Variants in ABHD14B observed in about 807,000 individuals in gnomAD.
The protein encoded by ABHD14B is putative protein-lysine deacylase ABHD14B.
Under a neutral mutation model 15.4 loss-of-function variants are expected in ABHD14B, and 19 were observed. The observed-to-expected ratio is 1.23, with a 90% confidence interval of 0.86 to 1.81. The LOEUF is 1.81. Among genes scored for constraint, ABHD14B ranks in the 40% most tolerant of loss-of-function variants. The probability of loss-of-function intolerance (pLI) is 0.00; values close to 1 mark genes in which losing one functional copy is unlikely to be tolerated. For synonymous variants in ABHD14B, 92 were observed against 117.3 expected (o/e 0.78, Z 1.39); for missense variants, 243 against 267.0 (o/e 0.91, Z 0.63).
chr3:51,973,659 G>A (rs1380693404), intron 1 of ABHD14B: 2 of 381,228 alleles, frequency 5.2e-6, no homozygotes, highest in Admixed American at 7.0e-5. Context: ...GGAACCACAG[G>A]CGCGCTTCCA....
At position 51,971,625 on chromosome 3, in the gene ABHD14B, C is replaced by T; in HGVS notation, c.46G>A (p.Gly16Ser). 1 of 1,613,116 alleles carries T rather than the reference C, an allele frequency of 6.2e-7. No homozygotes were observed. Among genetic ancestry groups the T allele is most frequent in the Non-Finnish European group, 8.5e-7 (1 of 1,179,822 alleles). Residue 16 changes from glycine to serine, a missense_variant, in exon 2 of 4, where the codon GGC becomes AGC. Physicochemically the swap from Gly to Ser is moderately conservative, Grantham distance 56. Transcript: ENST00000361143. Reference sequence around the variant, plus strand: ...GCCTCTCGGAAGAAGAGGGCCTGGCCCTGCACCTGGATGGTGCCCTCGCGC... The same window carrying T: ...GCCTCTCGGAAGAAGAGGGCCTGGCTCTGCACCTGGATGGTGCCCTCGCGC... ...EQREGTIQVQ[G>S]QALFFREALP... is the part of the protein sequence containing the mutation.
At chr3:51,969,768 G>A in intron 3 of ABHD14B, 163 bp from the exon 4 acceptor site, 1 of 1,418,516 alleles carries the variant, frequency 7.0e-7, no homozygotes. Context: ...CCAGAACACA[G>A]TTTAGCACAG....
upstream of ABHD14B, chr3:51,974,539 C>T (rs1158870316): frequency 5.9e-6 from 1 of 170,706 alleles, no homozygotes; most frequent in Non-Finnish European, 1.3e-5. Context: ...CACAGCCTCC[C>T]AGTGCTGGGC....
At chr3:51,970,325 A>C in intron 2 of ABHD14B, 141 bp from the exon 3 acceptor site, 1 of 1,107,554 alleles carries the variant, frequency 9.0e-7, no homozygotes, top group South Asian at 1.6e-5. Context: ...GCCCACGTTT[A>C]TTCCTACAGT....
intron 2 of ABHD14B, chr3:51,970,583 A>G (rs1318783727): frequency 1.3e-5 from 6 of 473,750 alleles, no homozygotes; most frequent in Non-Finnish European, 2.5e-5. Context: ...GATTGTTGTG[A>G]AAATTAACTG....
rs1700628622 is a variant in ABHD14B at position 51,970,154 on chromosome 3, G to A, written c.242C>T (p.Pro81Leu). Residue 81 changes from proline to leucine, a missense_variant, in exon 3 of 4, where the codon CCT (proline) becomes CTT (leucine). Transcript: ENST00000361143. Reference sequence around the variant, plus strand: ...AGGGGCCAGCTCCCCAATAGGGGCAGGGGCTGCTGCTTCCTTGGAGTGCCC... The same window carrying A: ...AGGGGCCAGCTCCCCAATAGGGGCAAGGGCTGCTGCTTCCTTGGAGTGCCC... ...GLGHSKEAAA[P>L]APIGELAPGS... The A allele has an allele frequency of 1.9e-6, 3 of 1,546,474 alleles. No individual in the cohort carries two copies. The highest frequency in any genetic ancestry group is 1.4e-5 in the African/African-American group (1 of 72,984).
In ABHD14B at chr3:51,971,462, G is replaced by A; in HGVS notation, c.209C>T (p.Pro70Leu). The change falls in exon 2 of 4, where the codon CCA becomes CTA. Residue 70 changes from proline to leucine, a missense_variant and splice_region_variant. By Grantham distance (98) the Pro-to-Leu change is moderately conservative. Transcript: ENST00000361143. ...CCAGAAGCCTGCCCCTTAAGTACCT[G>A]GCAGGTCAATGGCCACAGCCCGGTA... ...AGYRAVAIDL[P>L]GLGHSKEAAA... is the part of the protein sequence containing the mutation. The A allele has an allele frequency of 1.3e-6, 2 of 1,577,494 alleles. No individual in the cohort carries two copies. Among genetic ancestry groups the A allele is most frequent in the Non-Finnish European group, 8.6e-7 (1 of 1,158,474 alleles).
chr3:51,971,995 AG>A (rs1056333411), intron 1 of ABHD14B: 2 of 320,852 alleles, frequency 6.2e-6, no homozygotes, highest in African/African-American at 4.4e-5. Flanking sequence ...CTGTAATCCC[AG>A]CACTTTGGGA....
chr3:51,970,232 CA>C, intron 2 of ABHD14B, 48 bp from the exon 3 acceptor site: 1 of 1,515,160 alleles, frequency 6.6e-7, no homozygotes, highest in Non-Finnish European at 8.8e-7. Context: ...CAGTGAATGG[CA>C]AAACAAGGGA....
At chr3:51,972,335 C>T (rs973100598) in intron 1 of ABHD14B, among the ~76,000 whole-genome samples, 4 of 150,846 alleles carry the variant, frequency 2.7e-5, no homozygotes, top group Admixed American at 1.3e-4. Context: ...TTTGGGAGGC[C>T]GAGGCGGGCG....
chr3:51,968,618 T>A lies in ABHD14B; in HGVS notation c.*808A>T. On this transcript the variant is annotated 3_prime_UTR_variant, in exon 4 of 4. Transcript: ENST00000361143. ...CTGAGATGCCTCAGGCCTGGTAACC[T>A]GAGGTGTAGAGCACCCAGAAGGAAG... The A allele has an allele frequency of 6.6e-6, 1 of 152,142 alleles. No individual in the cohort carries two copies. Among genetic ancestry groups the A allele is most frequent in the Non-Finnish European group, 1.5e-5 (1 of 68,048 alleles). The allele number at this position is 152,142 out of a possible 1,614,324, so 9.4% of individuals were successfully genotyped here.
intron 1 of ABHD14B, 104 bp from the exon 2 acceptor site, chr3:51,971,802 A>C: frequency 6.9e-7 from 1 of 1,449,742 alleles, no homozygotes; most frequent in African/African-American, 1.4e-5. Flanking sequence ...CCAGAACTTT[A>C]AGAACATGCC....
chr3:51,973,660 C>T (rs879710832), intron 1 of ABHD14B: 76 of 381,886 alleles, frequency 2.0e-4, no homozygotes, highest in Non-Finnish European at 2.9e-4. Context: ...GAACCACAGG[C>T]GCGCTTCCAC....
upstream of ABHD14B, chr3:51,974,123 C>T: frequency 9.2e-7 from 1 of 1,086,962 alleles, no homozygotes; most frequent in Non-Finnish European, 1.2e-6. Flanking sequence ...AAGCTCGCAG[C>T]GTCCATAGAC....
chr3:51,969,954 C>T lies in ABHD14B; in HGVS notation c.442G>A (p.Ala148Thr), dbSNP rs139689394. The change falls in exon 3 of 4, where the codon GCC becomes ACC. Residue 148 changes from alanine to threonine, a missense_variant. By Grantham distance (58) the Ala-to-Thr change is moderately conservative. Transcript: ENST00000361143. ...CCACACAAGGGTACCTTCACACTGG[C>T]ATAGTTGGCAGCATTGATTTTGTCA... The part of the protein sequence containing the change: ...CTDKINAANY[A>T]SVKTPALIVY... 7 of 1,614,118 alleles carry T rather than the reference C, an allele frequency of 4.3e-6. No individual in the cohort carries two copies. The highest frequency in any genetic ancestry group is 1.3e-5 in the African/African-American group (1 of 74,952).
At chr3:51,972,446 G>A (rs1319607641) in intron 1 of ABHD14B, among the ~76,000 whole-genome samples, 1 of 151,776 alleles carries the variant, frequency 6.6e-6, no homozygotes, top group Non-Finnish European at 1.5e-5. Flanking sequence ...GGTGGCACAC[G>A]CCTGTAATCC....
In ABHD14B at chr3:51,969,380, A is replaced by G; in HGVS notation, c.*46T>C. The G allele has an allele frequency of 6.4e-7, 1 of 1,557,250 alleles. No homozygotes were observed. The highest frequency in any genetic ancestry group is 8.7e-7 in the Non-Finnish European group (1 of 1,151,202). ...AGAGAAGAGAGAGCGTGCAAGAGAGAGCTCAGAGCAGGCAGGCAGCCCACC... is the reference window on the plus strand; with the variant it reads ...AGAGAAGAGAGAGCGTGCAAGAGAGGGCTCAGAGCAGGCAGGCAGCCCACC... On this transcript the variant is annotated 3_prime_UTR_variant, in exon 4 of 4. Transcript: ENST00000361143.
rs1577709289 is a variant in ABHD14B, at chr3:51,971,362, C to A, written c.211+98G>T. 19 of 1,353,960 alleles carry A rather than the reference C, an allele frequency of 1.4e-5. No individual in the cohort carries two copies. In the South Asian group the frequency reaches 2.9e-4, roughly 21 times the overall value. The allele number at this position is 1,353,960 out of a possible 1,614,324, so 83.9% of individuals were successfully genotyped here. A position where few individuals can be genotyped will look rare whatever the true frequency, so the allele number is the denominator to read the frequency against. ...TGGGTCCTCCAGATCCCACCGCCCC[C>A]ACCCCTGGAGTGGGGAGGGGCTACA... On this transcript the variant is annotated intron_variant, in intron 2 of 3. Transcript: ENST00000361143.
At chr3:51,974,141 A>G (rs1577712540), upstream of ABHD14B, 1 of 970,906 alleles carries the variant, frequency 1.0e-6, no homozygotes, top group East Asian at 6.2e-5. Flanking sequence ...GACTCCGCTA[A>G]ACTCGTTCTC....
Sources: allele counts gnomAD v4.1 joint callset (sites outside exome capture counted in the v4.1 genomes callset), GRCh38; gene constraint gnomAD v4.1.1; transcripts MANE v1.5; gene names NCBI Gene and HGNC (gene_info 2026-07-23, HGNC 2026-07-21).